ADCY9: variants seen among roughly 807,000 people sequenced by gnomAD.
ADCY9 encodes the protein adenylate cyclase 9, also known as adenylate cyclase type 9.
In ADCY9, 50 loss-of-function variants were observed where a neutral mutation model predicts 101.5. The ratio of observed to expected loss-of-function variants is 0.49; its 90% CI spans 0.39 to 0.62. The LOEUF (loss-of-function observed/expected upper bound fraction) is 0.62. ADCY9 is among the 20% of genes least tolerant of loss of function. The pLI is 0.00. For missense variants in ADCY9, 1,662 were observed against 1,800.4 expected, an observed-to-expected ratio of 0.92 and a Z score of 1.39; for synonymous variants, 905 against 769.3, an observed-to-expected ratio of 1.18 and a Z score of -2.92.
chr16:4,066,111 G>C (rs141641632), intron 2 of ADCY9, among the ~76,000 whole-genome samples: 1 of 152,202 alleles, frequency 6.6e-6, no homozygotes, highest in Admixed American at 6.5e-5. Context: ...CTCCATTCTA[G>C]GAATGGGTAT....
intron 2 of ADCY9, among the ~76,000 whole-genome samples, chr16:4,092,107 A>G (rs997255991): frequency 6.6e-6 from 1 of 152,196 alleles, no homozygotes; most frequent in South Asian, 2.1e-4. Context: ...TGTCTCTACT[A>G]AAAATACAAA....
intron 2 of ADCY9, among the ~76,000 whole-genome samples, chr16:4,059,713 C>T (rs1041156023): frequency 2.0e-5 from 3 of 152,120 alleles, no homozygotes; most frequent in African/African-American, 7.2e-5. Context: ...GCCTGGGCAA[C>T]ATATCAAGAC....
intron 2 of ADCY9, among the ~76,000 whole-genome samples, chr16:4,044,881 C>G (rs1300780221): frequency 1.3e-5 from 2 of 152,194 alleles, no homozygotes; most frequent in Admixed American, 1.3e-4. Context: ...AATCTTTCCC[C>G]AGACCAACAA....
intron 2 of ADCY9, among the ~76,000 whole-genome samples, chr16:4,095,307 T>C (rs1375055967): frequency 1.3e-5 from 2 of 152,176 alleles, no homozygotes; most frequent in Non-Finnish European, 2.9e-5. Flanking sequence ...AGCCCTCTAA[T>C]TTCTAATTAC....
At chr16:3,984,213 C>T (rs1480575479) in intron 6 of ADCY9, 1 of 152,244 alleles carries the variant, frequency 6.6e-6, no homozygotes, top group Non-Finnish European at 1.5e-5. Flanking sequence ...ATCTGTAAGG[C>T]AGTTGGACGA....
rs1170239251 is a variant in ADCY9 at position 4,115,121 on chromosome 16, A to G, written c.322T>C (p.Cys108Arg). Residue 108 changes from cysteine to arginine, a missense_variant, in exon 2 of 11, where the codon TGC becomes CGC. Around this residue, in one of 5 missense-constraint regions of ADCY9, gnomAD observed 422 missense variants for 392.0 expected, o/e 1.08. Transcript: ENST00000294016. The surrounding 1 kb of genome is among the most constrained non-coding windows in gnomAD (Gnocchi z 6.2). ...AACCGGCGCTGGGTCTGCGGGAAGCAGCGCTCCAGGCAGGCCTCCTCCAGG... is the reference window on the plus strand; with the variant it reads ...AACCGGCGCTGGGTCTGCGGGAAGCGGCGCTCCAGGCAGGCCTCCTCCAGG... ...VNLEEACLER[C>R]FPQTQRRFRY... 1 of 1,613,850 alleles carries G rather than the reference A, an allele frequency of 6.2e-7. No individual in the cohort carries two copies. Among genetic ancestry groups the G allele is most frequent in the Admixed American group, 1.7e-5 (1 of 60,030 alleles).
At chr16:4,092,171 G>A (rs926666464) in intron 2 of ADCY9, among the ~76,000 whole-genome samples, 6 of 152,192 alleles carry the variant, frequency 3.9e-5, no homozygotes, top group Non-Finnish European at 5.9e-5. Flanking sequence ...TTGGGAGGCT[G>A]AGGCACGAGA....
At chr16:4,046,111 A>G (rs889255230) in intron 2 of ADCY9, among the ~76,000 whole-genome samples, 1 of 152,068 alleles carries the variant, frequency 6.6e-6, no homozygotes, top group African/African-American at 2.4e-5. Context: ...TCGGCCTCCC[A>G]AAGTGCTGGG....
At chr16:4,108,827 T>C (rs1468467132) in intron 2 of ADCY9, among the ~76,000 whole-genome samples, 1 of 151,316 alleles carries the variant, frequency 6.6e-6, no homozygotes, top group African/African-American at 2.4e-5. Flanking sequence ...TGCCTCAGCA[T>C]CCCGAGTAGC....
chr16:4,005,782 G>T (rs2056362979), intron 3 of ADCY9, among the ~76,000 whole-genome samples: 1 of 152,164 alleles, frequency 6.6e-6, no homozygotes, highest in South Asian at 2.1e-4. Flanking sequence ...AAGCTAAAAT[G>T]GCAAACACAA....
chr16:4,035,776 A>T (rs2056584802), intron 2 of ADCY9, among the ~76,000 whole-genome samples: 1 of 152,064 alleles, frequency 6.6e-6, no homozygotes, highest in Admixed American at 6.6e-5. Context: ...AGGCAGGCGG[A>T]TCACCTGAGG....
At chr16:4,039,677 CT>C (rs764372769) in intron 2 of ADCY9, among the ~76,000 whole-genome samples, 1 of 105,754 alleles carries the variant, frequency 9.5e-6, no homozygotes, top group Non-Finnish European at 1.8e-5. Flanking sequence ...GAAACTCTGT[CT>C]CAAAAAAAAA....
chr16:4,051,307 C>A (rs544642011), intron 2 of ADCY9, among the ~76,000 whole-genome samples: 1 of 151,792 alleles, frequency 6.6e-6, no homozygotes, highest in Non-Finnish European at 1.5e-5. Flanking sequence ...AGGCAGATCA[C>A]GAGGTCAGGG....
intron 2 of ADCY9, among the ~76,000 whole-genome samples, chr16:4,049,042 T>C (rs1398610818): frequency 6.6e-6 from 1 of 151,990 alleles, no homozygotes; most frequent in Non-Finnish European, 1.5e-5. Flanking sequence ...AGGTTTTAAA[T>C]ACAGGGAAGC....
At chr16:4,104,668 A>C (rs1028171059) in intron 2 of ADCY9, among the ~76,000 whole-genome samples, 2 of 152,188 alleles carry the variant, frequency 1.3e-5, no homozygotes, top group African/African-American at 4.8e-5. Flanking sequence ...GAATCAAAGA[A>C]AAATATCCAG....
At chr16:4,090,030 C>T (rs2056963558) in intron 2 of ADCY9, among the ~76,000 whole-genome samples, 1 of 152,134 alleles carries the variant, frequency 6.6e-6, no homozygotes, top group Non-Finnish European at 1.5e-5. Context: ...GCTTGGCAGG[C>T]ATCCCCGGCA....
intron 5 of ADCY9, among the ~76,000 whole-genome samples, chr16:3,954,273 G>A (rs993505801): frequency 2.0e-5 from 3 of 152,180 alleles, no homozygotes; most frequent in Non-Finnish European, 4.4e-5. Flanking sequence ...ACGATGCTTC[G>A]ACATCCACTC....
chr16:4,094,074 A>G (rs113768864), intron 2 of ADCY9, among the ~76,000 whole-genome samples: 3 of 152,306 alleles, frequency 2.0e-5, no homozygotes, highest in African/African-American at 7.2e-5. Flanking sequence ...CCTAATCACA[A>G]TTTCTTTCAG....
At chr16:4,018,522 C>T (rs2056453550) in intron 2 of ADCY9, among the ~76,000 whole-genome samples, 2 of 152,006 alleles carry the variant, frequency 1.3e-5, no homozygotes, top group South Asian at 2.1e-4. Context: ...TGATGCTGAA[C>T]ATGCGTGACT....
Sources: gnomAD v4.1 joint callset for allele counts (sites outside exome capture counted in the v4.1 genomes callset) on GRCh38, gnomAD v4.1.1 for gene constraint, gnomAD v4.1.1 regional missense constraint, Gnocchi (gnomAD v3.1) non-coding constraint, MANE v1.5 for transcripts, NCBI Gene and HGNC (gene_info 2026-07-23, HGNC 2026-07-21) for gene names.